CHRM3: variants seen among roughly 807,000 people sequenced by gnomAD.
CHRM3 encodes muscarinic acetylcholine receptor M3.
CHRM3 carries 11 observed loss-of-function variants against 41.8 expected under a neutral mutation model. That is an observed-to-expected ratio of 0.26 (90% confidence interval 0.17 to 0.44). The LOEUF (loss-of-function observed/expected upper bound fraction) is 0.44. CHRM3 is among the 20% of genes least tolerant of loss of function. CHRM3 has a pLI of 1.00. For missense variants in CHRM3, 571 were observed against 745.4 expected (o/e 0.77, Z 2.72); for synonymous variants, 297 against 301.4 (o/e 0.99, Z 0.15).
chr1:239,580,731 A>G (rs1662822162), intron 3 of CHRM3, among the ~76,000 whole-genome samples: 1 of 143,658 alleles, frequency 7.0e-6, no homozygotes, highest in Non-Finnish European at 1.5e-5. Context: ...ACACACACAC[A>G]CAAGTGCATA....
intron 1 of CHRM3, among the ~76,000 whole-genome samples, chr1:239,456,550 C>T (rs1664950475): frequency 6.6e-6 from 1 of 152,160 alleles, no homozygotes; most frequent in South Asian, 2.1e-4. Context: ...ATGACAGAAT[C>T]ATCTAAGGAG....
At chr1:239,397,153 T>C (rs965857393) in intron 1 of CHRM3, among the ~76,000 whole-genome samples, 2 of 152,210 alleles carry the variant, frequency 1.3e-5, no homozygotes, top group Admixed American at 6.5e-5. Context: ...GAAGTAGTAA[T>C]CATTTATCTT....
chr1:239,683,159 A>T (rs1469554331), intron 5 of CHRM3, among the ~76,000 whole-genome samples: 1 of 152,178 alleles, frequency 6.6e-6, no homozygotes, highest in African/African-American at 2.4e-5. Context: ...GGAACAAAAG[A>T]TGTATTCTCC....
At chr1:239,852,596 T>C (rs536338371) in intron 6 of CHRM3, among the ~76,000 whole-genome samples, 59 of 152,294 alleles carry the variant, frequency 3.9e-4, no homozygotes, top group African/African-American at 1.3e-3. Context: ...TTCAGACCCA[T>C]AATGCTAATA....
chr1:239,907,573 A>G lies in CHRM3; in HGVS notation c.122A>G (p.Asn41Ser), dbSNP rs138701445. ...ACCGTCACTCATTTCGGCAGCTACAATGTTTCTCGAGCAGCTGGCAATTTC... is the reference window on the plus strand; with the variant it reads ...ACCGTCACTCATTTCGGCAGCTACAGTGTTTCTCGAGCAGCTGGCAATTTC... The part of the protein sequence containing the change: ...PGTVTHFGSY[N>S]VSRAAGNFSS... The change falls in exon 7 of 7, where the codon AAT (asparagine) becomes AGT (serine). Residue 41 changes from asparagine (N) to serine (S), a missense_variant. This residue lies in a region of CHRM3 where 92 missense variants were observed against 76.1 expected (regional missense o/e 1.21). Coordinates refer to ENST00000676153, the MANE Select transcript of CHRM3 (RefSeq NM_001375978.1). The surrounding 1 kb of genome is among the most constrained non-coding windows in gnomAD (Gnocchi z 5.4). The G allele has an allele frequency of 2.2e-5, 35 of 1,613,940 alleles. No individual in the cohort carries two copies. The African/African-American group carries it at 2.3e-4, about 10-fold the overall frequency.
At chr1:239,393,882 T>C (rs1464918048) in intron 1 of CHRM3, among the ~76,000 whole-genome samples, 1 of 152,202 alleles carries the variant, frequency 6.6e-6, no homozygotes, top group African/African-American at 2.4e-5. Flanking sequence ...AAATACATGT[T>C]TGAGTAGAAT....
At chr1:239,752,825 G>A (rs1274010224) in intron 5 of CHRM3, among the ~76,000 whole-genome samples, 1 of 152,006 alleles carries the variant, frequency 6.6e-6, no homozygotes, top group African/African-American at 2.4e-5. Context: ...TTTTCACTAG[G>A]CTTAAACTAT....
intron 1 of CHRM3, among the ~76,000 whole-genome samples, chr1:239,487,268 C>T (rs1667238175): frequency 1.3e-5 from 2 of 151,916 alleles, no homozygotes; most frequent in African/African-American, 2.4e-5. Flanking sequence ...AAATATTATT[C>T]GTTTTTCAAA....
chr1:239,874,301 A>ATATATCTATATACACAG (rs1553291981), intron 6 of CHRM3, among the ~76,000 whole-genome samples: 27 of 123,804 alleles, frequency 2.2e-4, no homozygotes, highest in East Asian at 1.4e-3. Flanking sequence ...ATATATATAT[A>ATATATCTATATACACAG]TATATATATA....
intron 4 of CHRM3, among the ~76,000 whole-genome samples, chr1:239,674,470 G>A (rs189435185): frequency 1.3e-5 from 2 of 152,150 alleles, no homozygotes; most frequent in Admixed American, 1.3e-4. Context: ...AGCACTTTGG[G>A]AGGCCCAGGC....
intron 1 of CHRM3, among the ~76,000 whole-genome samples, chr1:239,431,835 C>T (rs749267614): frequency 5.3e-5 from 8 of 152,130 alleles, no homozygotes; most frequent in Non-Finnish European, 1.0e-4. Context: ...GTTATTTCCA[C>T]GTTACTGTAT....
At chr1:239,758,163 G>T (rs1666394171) in intron 5 of CHRM3, among the ~76,000 whole-genome samples, 1 of 152,124 alleles carries the variant, frequency 6.6e-6, no homozygotes, top group South Asian at 2.1e-4. Context: ...AGCTTGTCTT[G>T]ATGTAATAAG....
At chr1:239,771,969 A>G (rs1667711979) in intron 5 of CHRM3, among the ~76,000 whole-genome samples, 2 of 152,242 alleles carry the variant, frequency 1.3e-5, no homozygotes, top group Non-Finnish European at 2.9e-5. Flanking sequence ...AAAAAGATAG[A>G]TACAGAGACA....
At chr1:239,418,174 G>C (rs1430496638) in intron 1 of CHRM3, among the ~76,000 whole-genome samples, 1 of 152,218 alleles carries the variant, frequency 6.6e-6, no homozygotes, top group African/African-American at 2.4e-5. Context: ...CAGATAGCAT[G>C]TGGCCTTCTG....
chr1:239,399,667 A>G (rs1013830885), intron 1 of CHRM3, among the ~76,000 whole-genome samples: 1 of 152,198 alleles, frequency 6.6e-6, no homozygotes, highest in Non-Finnish European at 1.5e-5. Context: ...TTGGTTGCGG[A>G]GGAAGAATTT....
intron 3 of CHRM3, among the ~76,000 whole-genome samples, chr1:239,572,572 T>C (rs1436117577): frequency 6.6e-6 from 1 of 152,172 alleles, no homozygotes; most frequent in African/African-American, 2.4e-5. Context: ...TCATAAATGT[T>C]TGTCCCCATT....
At chr1:239,725,456 A>AT (rs1430664722) in intron 5 of CHRM3, among the ~76,000 whole-genome samples, 1 of 151,908 alleles carries the variant, frequency 6.6e-6, no homozygotes, top group Non-Finnish European at 1.5e-5. Flanking sequence ...AGCAGGATAT[A>AT]CTTTTTGTTT....
At chr1:239,724,555 G>T (rs1407917029) in intron 5 of CHRM3, among the ~76,000 whole-genome samples, 1 of 151,928 alleles carries the variant, frequency 6.6e-6, no homozygotes, top group Non-Finnish European at 1.5e-5. Flanking sequence ...GATTCAGTGG[G>T]ATTATAGAGG....
intron 5 of CHRM3, among the ~76,000 whole-genome samples, chr1:239,823,214 A>C (rs1672191598): frequency 6.6e-6 from 1 of 152,222 alleles, no homozygotes; most frequent in South Asian, 2.1e-4. Context: ...AGCTCAATGA[A>C]AGAGGCAAAT....
Sources: gnomAD v4.1 joint callset for allele counts (sites outside exome capture counted in the v4.1 genomes callset) on GRCh38, gnomAD v4.1.1 for gene constraint, gnomAD v4.1.1 regional missense constraint, Gnocchi (gnomAD v3.1) non-coding constraint, MANE v1.5 for transcripts, NCBI Gene and HGNC (gene_info 2026-07-23, HGNC 2026-07-21) for gene names.